The following CDC14A variants were observed in gnomAD, a reference collection of about 807,000 sequenced individuals.
CDC14A encodes cell division cycle 14A.
Under a neutral mutation model 74.4 loss-of-function variants are expected in CDC14A, and 53 were observed. The ratio of observed to expected loss-of-function variants is 0.71; its 90% CI spans 0.57 to 0.89. The LOEUF is 0.89. Ranked by LOEUF, CDC14A falls within the 40% of genes least tolerant of loss-of-function variation. The probability of loss-of-function intolerance (pLI) is 0.00; values close to 1 mark genes in which losing one functional copy is unlikely to be tolerated. For missense variants in CDC14A, 646 were observed against 713.7 expected (o/e 0.91, Z 1.08); for synonymous variants, 247 against 258.4 (o/e 0.96, Z 0.43).
chr1:100,369,330 A>G (rs1415068395), intron 2 of CDC14A, among the ~76,000 whole-genome samples: 1 of 151,974 alleles, frequency 6.6e-6, no homozygotes, highest in Admixed American at 6.6e-5. Flanking sequence ...GATGGTCTTG[A>G]TCTCTTGACC....
At chr1:100,351,951 A>T, upstream of CDC14A, 3 of 659,146 alleles carry the variant, frequency 4.6e-6, no homozygotes, top group Non-Finnish European at 5.1e-6. Flanking sequence ...GAGGCAGGGC[A>T]CGGAGATCTG....
At chr1:100,501,583 T>C (rs1018564499) in intron 15 of CDC14A, among the ~76,000 whole-genome samples, 2 of 152,244 alleles carry the variant, frequency 1.3e-5, no homozygotes, top group Non-Finnish European at 2.9e-5. Flanking sequence ...TATTTGATAA[T>C]AAATACCTGT....
intron 2 of CDC14A, among the ~76,000 whole-genome samples, chr1:100,365,445 C>G (rs1570963783): frequency 6.6e-6 from 1 of 152,146 alleles, no homozygotes; most frequent in South Asian, 2.1e-4. Context: ...GCGGCTAGAA[C>G]TGTGATATAT....
intron 2 of CDC14A, among the ~76,000 whole-genome samples, chr1:100,358,394 T>A (rs917530738): frequency 1.3e-5 from 2 of 152,210 alleles, no homozygotes; most frequent in Non-Finnish European, 2.9e-5. Flanking sequence ...CTAGTGGTGG[T>A]CATGGGTGTA....
chr1:100,392,587 G>C (rs1186815887), intron 4 of CDC14A, among the ~76,000 whole-genome samples: 1 of 152,048 alleles, frequency 6.6e-6, no homozygotes, highest in Non-Finnish European at 1.5e-5. Context: ...TGATGGTAAC[G>C]ATGACTCTGT....
rs865825041 is a variant in CDC14A at position 100,468,241 on chromosome 1, A to G, written c.977+147A>G. Reference sequence around the variant, plus strand: ...GTGTGCCTCTAATAGAATATTGTTGATTTGACAGCTAATGCATTCTAACTT... The same window carrying G: ...GTGTGCCTCTAATAGAATATTGTTGGTTTGACAGCTAATGCATTCTAACTT... On this transcript the variant is annotated intron_variant, in intron 10 of 15. Transcript: ENST00000336454. 1.7e-5 allele frequency: 15 copies of G among 887,610 alleles called. No homozygotes were observed. The Middle Eastern group carries it at 6.5e-4, about 39-fold the overall frequency. The allele number at this position is 887,610 out of a possible 1,614,324, so 55.0% of individuals were successfully genotyped here.
intron 11 of CDC14A, among the ~76,000 whole-genome samples, chr1:100,489,842 C>T (rs1183209032): frequency 1.3e-5 from 2 of 152,098 alleles, no homozygotes; most frequent in Non-Finnish European, 2.9e-5. Flanking sequence ...TGTTTCTTTT[C>T]AGCAGATTCC....
chr1:100,492,783 A>C lies in CDC14A; in HGVS notation c.1138-2035A>C, dbSNP rs1314398792. ...CACAGCAAAATTCCATTCTAATTCC[A>C]TTCTTTTCCTGAAGACATTTCTCCC... On this transcript the variant is annotated intron_variant, in intron 11 of 15. Transcript: ENST00000336454. Among the ~76,000 whole-genome samples, 10 of 152,014 alleles carry C rather than the reference A, an allele frequency of 6.6e-5. No individual in the cohort carries two copies. The East Asian group carries it at 1.9e-3, about 29-fold the overall frequency.
intron 9 of CDC14A, among the ~76,000 whole-genome samples, chr1:100,463,387 C>G (rs1667501518): frequency 6.6e-6 from 1 of 152,150 alleles, no homozygotes; most frequent in Admixed American, 6.5e-5. Context: ...GTCTTCCATG[C>G]CTGTTGCTAG....
intron 10 of CDC14A, 74 bp downstream of exon 10, chr1:100,468,168 G>C: frequency 6.5e-7 from 1 of 1,539,272 alleles, no homozygotes; most frequent in South Asian, 1.1e-5. Flanking sequence ...CCTGGTTGTG[G>C]ACCATGTCAG....
intron 3 of CDC14A, among the ~76,000 whole-genome samples, chr1:100,388,820 G>A (rs1571031646): frequency 3.3e-5 from 5 of 152,112 alleles, no homozygotes; most frequent in African/African-American, 1.2e-4. Flanking sequence ...CAAAGTGTTG[G>A]AATTACAGGC....
At chr1:100,432,846 T>A (rs1453169156) in intron 5 of CDC14A, among the ~76,000 whole-genome samples, 1 of 152,218 alleles carries the variant, frequency 6.6e-6, no homozygotes, top group African/African-American at 2.4e-5. Context: ...TTTTTGCTAT[T>A]GTACATAGCT....
chr1:100,390,145 T>G (rs544898452), intron 3 of CDC14A, among the ~76,000 whole-genome samples: 12 of 152,344 alleles, frequency 7.9e-5, no homozygotes, highest in African/African-American at 2.6e-4. Context: ...AATAGATGGC[T>G]ATTGTAATGT....
chr1:100,367,680 T>C (rs1653830669), intron 2 of CDC14A, among the ~76,000 whole-genome samples: 1 of 152,206 alleles, frequency 6.6e-6, no homozygotes, highest in African/African-American at 2.4e-5. Flanking sequence ...AAAATTGCTC[T>C]TGGTTGTGCA....
chr1:100,397,157 C>CAT (rs200508865), intron 4 of CDC14A, among the ~76,000 whole-genome samples: 2,031 of 152,138 alleles, frequency 0.013, 14 homozygotes, highest in Non-Finnish European at 0.019. Flanking sequence ...CTGATATAGA[C>CAT]CATCATGTTC....
At chr1:100,395,402 T>C (rs1658330308) in intron 4 of CDC14A, among the ~76,000 whole-genome samples, 1 of 152,234 alleles carries the variant, frequency 6.6e-6, no homozygotes, top group African/African-American at 2.4e-5. Flanking sequence ...CTACCATCAG[T>C]GACTTGCTAA....
intron 5 of CDC14A, among the ~76,000 whole-genome samples, chr1:100,433,135 C>T (rs2101105364): frequency 6.6e-6 from 1 of 152,008 alleles, no homozygotes; most frequent in East Asian, 1.9e-4. Flanking sequence ...CTGCCTTGGC[C>T]TCTCAAAGGG....
chr1:100,404,712 C>T (rs1027023446), intron 4 of CDC14A, among the ~76,000 whole-genome samples: 7 of 152,098 alleles, frequency 4.6e-5, no homozygotes, highest in African/African-American at 1.7e-4. Context: ...TGCCTGTATT[C>T]CCAGCTACTC....
chr1:100,347,143 A>T (rs960974770), intron 1 of CDC14A, among the ~76,000 whole-genome samples: 4 of 152,236 alleles, frequency 2.6e-5, no homozygotes, highest in African/African-American at 9.6e-5. Flanking sequence ...TAAGTTAAAC[A>T]ATGTAATTTA....
Sources: gnomAD v4.1 joint callset for allele counts (sites outside exome capture counted in the v4.1 genomes callset) on GRCh38, gnomAD v4.1.1 for gene constraint, MANE v1.5 for transcripts, NCBI Gene and HGNC (gene_info 2026-07-23, HGNC 2026-07-21) for gene names.